PKHD1: variants seen among roughly 807,000 people sequenced by gnomAD.
PKHD1 encodes fibrocystin.
PKHD1 carries 291 observed loss-of-function variants against 412.0 expected under a neutral mutation model. The observed-to-expected ratio is 0.71, with a 90% CI of 0.64 to 0.78. The LOEUF (loss-of-function observed/expected upper bound fraction) is 0.78, where lower values mean the gene tolerates loss of function less well. Among genes scored for constraint, PKHD1 ranks in the 30% least tolerant of loss-of-function variants. The probability of loss-of-function intolerance (pLI) is 0.00; values close to 1 mark genes in which losing one functional copy is unlikely to be tolerated. For missense variants in PKHD1, 4,825 were observed against 4,950.7 expected (o/e 0.97, Z 0.76); for synonymous variants, 1,777 against 1,821.5 (o/e 0.98, Z 0.62).
intron 43 of PKHD1, among the ~76,000 whole-genome samples, chr6:51,895,982 C>T (rs940680375): frequency 8.5e-4 from 129 of 152,276 alleles, no homozygotes; most frequent in Non-Finnish European, 1.5e-3. Context: ...CGGCACACCA[C>T]AAGATTATAT....
chr6:52,016,960 T>A (rs996695179), intron 34 of PKHD1, among the ~76,000 whole-genome samples: 2 of 152,252 alleles, frequency 1.3e-5, no homozygotes, highest in East Asian at 1.9e-4. Flanking sequence ...ATTCCGCCTA[T>A]GCAACCCTCC....
chr6:51,766,204 C>A (rs902861893), intron 55 of PKHD1, among the ~76,000 whole-genome samples: 1 of 152,002 alleles, frequency 6.6e-6, no homozygotes, highest in Non-Finnish European at 1.5e-5. Flanking sequence ...GAACATAATA[C>A]CTACTCTACA....
chr6:51,734,118 G>A (rs754345759), intron 60 of PKHD1, among the ~76,000 whole-genome samples: 1 of 152,170 alleles, frequency 6.6e-6, no homozygotes, highest in Non-Finnish European at 1.5e-5. Flanking sequence ...AGTATGAACA[G>A]GTATTCTCTA....
intron 60 of PKHD1, among the ~76,000 whole-genome samples, chr6:51,660,633 G>A (rs988903131): frequency 6.6e-6 from 1 of 151,992 alleles, no homozygotes; most frequent in Non-Finnish European, 1.5e-5. Context: ...CAAAACTCAG[G>A]GAAACATTTA....
At chr6:51,982,680 C>T (rs1254293527) in intron 35 of PKHD1, among the ~76,000 whole-genome samples, 10 of 147,000 alleles carry the variant, frequency 6.8e-5, no homozygotes, top group African/African-American at 1.7e-4. Context: ...TGCGGAAGGC[C>T]GCAGGGTCCT....
chr6:51,949,130 C>A (rs1789918290), intron 36 of PKHD1, among the ~76,000 whole-genome samples: 1 of 152,210 alleles, frequency 6.6e-6, no homozygotes, highest in Non-Finnish European at 1.5e-5. Flanking sequence ...CTAGATAATT[C>A]ATTTACTCAA....
intron 35 of PKHD1, among the ~76,000 whole-genome samples, chr6:51,978,853 C>A (rs1256451501): frequency 6.6e-6 from 1 of 152,138 alleles, no homozygotes; most frequent in Non-Finnish European, 1.5e-5. Context: ...AACTCTGAAC[C>A]GAAAGGTTTG....
chr6:51,621,640 T>C (rs978054069), intron 66 of PKHD1, among the ~76,000 whole-genome samples: 2 of 152,162 alleles, frequency 1.3e-5, no homozygotes, highest in African/African-American at 2.4e-5. Flanking sequence ...ATTATTTACA[T>C]GGCAGCTCCA....
At position 51,717,528 on chromosome 6, in the gene PKHD1, T is replaced by C. The variant is rs1582253271; in HGVS notation, c.10156+26857A>G. ...GTTTAGATAAACAAATATCATTGTG[T>C]TATAGTTGCCTACAGTATTCAGTAC... On this transcript the variant is annotated intron_variant, in intron 60 of 66. Coordinates refer to ENST00000371117, the MANE Select transcript of PKHD1 (RefSeq NM_138694.4). Among the ~76,000 whole-genome samples, 3 of 152,324 alleles carry C rather than the reference T, an allele frequency of 2.0e-5. No individual in the cohort carries two copies. In the South Asian group the frequency reaches 6.2e-4, roughly 32 times the overall value.
In PKHD1 at chr6:51,748,188, C is replaced by T. The variant is rs1280049512; in HGVS notation, c.9428G>A (p.Arg3143Lys). ...CTTGAAAGCCAAGAAGCCAGAGATTCTGGTACAGTTGTCAAGTCCACTTTC... is the reference window on the plus strand; with the variant it reads ...CTTGAAAGCCAAGAAGCCAGAGATTTTGGTACAGTTGTCAAGTCCACTTTC... Reference protein sequence around the residue: ...YKESGLDNCTRISGFLAFKNF... With the variant: ...YKESGLDNCTKISGFLAFKNF... The change falls in exon 58 of 67, where the codon AGA (arginine) becomes AAA (lysine). Residue 3143 changes from arginine to lysine, a missense_variant. Arg to Lys is a conservative substitution (Grantham distance 26, BLOSUM62 2). Transcript: ENST00000371117. 2 of 1,614,086 alleles carry T rather than the reference C, an allele frequency of 1.2e-6. No individual in the cohort carries two copies. The highest frequency in any genetic ancestry group is 4.5e-5 in the East Asian group (2 of 44,868).
At chr6:52,077,938 T>A (rs1314127379) in intron 5 of PKHD1, among the ~76,000 whole-genome samples, 1 of 141,194 alleles carries the variant, frequency 7.1e-6, no homozygotes, top group Non-Finnish European at 1.5e-5. Context: ...GACTATATCA[T>A]AGGAGCTTAG....
chr6:52,038,563 G>A (rs994233387), intron 27 of PKHD1, among the ~76,000 whole-genome samples: 1 of 151,944 alleles, frequency 6.6e-6, no homozygotes, highest in Non-Finnish European at 1.5e-5. Context: ...CTTCCTCAAA[G>A]TTTGGTTCAG....
At position 51,747,878 on chromosome 6, in the gene PKHD1, A is replaced by G; in HGVS notation, c.9738T>C (p.Pro3246=). ...PRGGRIGILW[P]VFTSEPNQWP... ...ACTGATTTGGTTCTGAGGTGAATAC[A>G]GGCCACAGAATACCAATTCGACCTC... is the stretch of plus-strand genomic sequence containing the variant. Residue 3246 remains proline, a synonymous_variant, in exon 58 of 67, where the codon CCT becomes CCC. Coordinates refer to ENST00000371117, the MANE Select transcript of PKHD1 (RefSeq NM_138694.4). 1 of 1,613,570 alleles carries G rather than the reference A, an allele frequency of 6.2e-7. No individual in the cohort carries two copies.
intron 43 of PKHD1, among the ~76,000 whole-genome samples, chr6:51,897,549 C>T (rs1407210931): frequency 2.8e-5 from 4 of 144,082 alleles, no homozygotes; most frequent in Admixed American, 7.0e-5. Flanking sequence ...GTACCAGCCA[C>T]TGCAAAATCA....
chr6:51,665,362 T>C (rs755789282), intron 60 of PKHD1, among the ~76,000 whole-genome samples: 3 of 152,118 alleles, frequency 2.0e-5, no homozygotes, highest in Admixed American at 6.6e-5. Context: ...CTTTAGCCAC[T>C]GAGGGGAAAA....
At chr6:51,830,512 T>A (rs1423914209) in intron 52 of PKHD1, among the ~76,000 whole-genome samples, 1 of 152,230 alleles carries the variant, frequency 6.6e-6, no homozygotes, top group African/African-American at 2.4e-5. Flanking sequence ...TAAATTGTTG[T>A]CTTCCATACC....
At chr6:51,766,856 T>C (rs977709840) in intron 55 of PKHD1, among the ~76,000 whole-genome samples, 6 of 152,068 alleles carry the variant, frequency 3.9e-5, no homozygotes, top group Non-Finnish European at 8.8e-5. Context: ...TGCAGAAATA[T>C]TGACCTTGTT....
chr6:51,799,924 G>A (rs550201193), intron 52 of PKHD1, among the ~76,000 whole-genome samples: 9 of 152,170 alleles, frequency 5.9e-5, no homozygotes, highest in Middle Eastern at 6.8e-3. Context: ...GCTTTCCACC[G>A]TGTCCTGCCT....
chr6:51,700,152 G>A (rs1335994882), intron 60 of PKHD1, among the ~76,000 whole-genome samples: 2 of 151,940 alleles, frequency 1.3e-5, no homozygotes, highest in African/African-American at 4.8e-5. Context: ...AAGTGTTCCT[G>A]AGAAATTGGT....
Sources: gnomAD v4.1 joint callset for allele counts (sites outside exome capture counted in the v4.1 genomes callset) on GRCh38, gnomAD v4.1.1 for gene constraint, MANE v1.5 for transcripts, NCBI Gene and HGNC (gene_info 2026-07-23, HGNC 2026-07-21) for gene names.